The following CD82 variants were observed in gnomAD, a reference collection of about 807,000 sequenced individuals.
The protein encoded by CD82 is CD82 antigen.
CD82 carries 36 observed loss-of-function variants against 37.4 expected under a neutral mutation model. That is an observed-to-expected ratio of 0.96 (90% CI 0.74 to 1.27). The LOEUF (loss-of-function observed/expected upper bound fraction) is 1.27, where lower values mean the gene tolerates loss of function less well. Among genes scored for constraint, CD82 ranks in the 50% most tolerant of loss-of-function variants. The probability of loss-of-function intolerance (pLI) is 0.00; values close to 1 mark genes in which losing one functional copy is unlikely to be tolerated. For synonymous variants in CD82, 158 were observed against 137.4 expected (o/e 1.15, Z -1.05); for missense variants, 340 against 347.0 (o/e 0.98, Z 0.16).
intron 2 of CD82, among the ~76,000 whole-genome samples, chr11:44,591,194 C>G (rs890317843): frequency 1.3e-5 from 2 of 152,180 alleles, no homozygotes; most frequent in Non-Finnish European, 2.9e-5. Context: ...TGGACCCACC[C>G]AGCTGCCTCC....
chr11:44,590,204 T>G (rs1365742414), intron 2 of CD82, among the ~76,000 whole-genome samples: 1 of 119,198 alleles, frequency 8.4e-6, no homozygotes, highest in Non-Finnish European at 1.7e-5. Context: ...AGCAGGCTTT[T>G]TCTGTAAAGG....
upstream of CD82, among the ~76,000 whole-genome samples, chr11:44,565,390 C>T (rs1333972573): frequency 2.0e-5 from 3 of 151,752 alleles, no homozygotes; most frequent in Non-Finnish European, 4.4e-5. Flanking sequence ...CGGGCTTAAT[C>T]CCCAGTGTAA....
At chr11:44,615,905 GAGAT>G (rs1479053671) in intron 7 of CD82, among the ~76,000 whole-genome samples, 2 of 152,206 alleles carry the variant, frequency 1.3e-5, no homozygotes, top group African/African-American at 4.8e-5. Flanking sequence ...TAAAGTGAGA[GAGAT>G]GGATGGATGG....
chr11:44,573,772 T>C lies in CD82; in HGVS notation c.-103+8036T>C, dbSNP rs890452807. Among the ~76,000 whole-genome samples the C allele has an allele frequency of 7.9e-5, 12 of 152,332 alleles. No individual in the cohort carries two copies. The East Asian group carries it at 1.7e-3, about 22-fold the overall frequency. On this transcript the variant is annotated intron_variant, in intron 1 of 9. Transcript: ENST00000227155. ...GAAACACTGGGGCTGTGCCTACAGC[T>C]TGGGGTTCTAGCTTCTCAGGCATTG...
At chr11:44,593,039 A>G (rs1853168153) in intron 2 of CD82, among the ~76,000 whole-genome samples, 2 of 152,196 alleles carry the variant, frequency 1.3e-5, no homozygotes, top group South Asian at 4.1e-4. Flanking sequence ...CTGTTAGAGG[A>G]AAGAAAACTG....
At chr11:44,569,960 A>G (rs576529601) in intron 1 of CD82, among the ~76,000 whole-genome samples, 2 of 152,334 alleles carry the variant, frequency 1.3e-5, no homozygotes, top group East Asian at 1.9e-4. Context: ...TGTTATACCT[A>G]GCACATAGTA....
chr11:44,614,985 G>A (rs1853539671), intron 6 of CD82, among the ~76,000 whole-genome samples: 1 of 152,186 alleles, frequency 6.6e-6, no homozygotes, highest in South Asian at 2.1e-4. Context: ...CAATGACGGT[G>A]GGAACTGCCC....
intron 1 of CD82, among the ~76,000 whole-genome samples, chr11:44,572,285 G>A (rs1282503952): frequency 6.6e-6 from 1 of 152,180 alleles, no homozygotes; most frequent in Non-Finnish European, 1.5e-5. Flanking sequence ...TACCCGTTAC[G>A]AAATACAATT....
In CD82 at chr11:44,587,481, C is replaced by T. The variant is rs1036899585; in HGVS notation, c.-96C>T. On this transcript the variant is annotated 5_prime_UTR_variant, in exon 2 of 10. Transcript: ENST00000227155. Reference sequence around the variant, plus strand: ...TCTGGGTCGTGTTTTTCAGAGTCCTCCCTGCTGCTGTGTGGACGACACGTG... The same window carrying T: ...TCTGGGTCGTGTTTTTCAGAGTCCTTCCTGCTGCTGTGTGGACGACACGTG... 2 of 456,208 alleles carry T rather than the reference C, an allele frequency of 4.4e-6. No individual in the cohort carries two copies. The highest frequency in any genetic ancestry group is 8.8e-6 in the Non-Finnish European group (2 of 226,978). The allele number at this position is 456,208 out of a possible 1,614,324, so 28.3% of individuals were successfully genotyped here.
chr11:44,580,002 C>T (rs1472086978), intron 1 of CD82, among the ~76,000 whole-genome samples: 2 of 152,116 alleles, frequency 1.3e-5, no homozygotes, highest in Non-Finnish European at 2.9e-5. Flanking sequence ...GGGATGGCTC[C>T]AGGGAGCCAC....
At chr11:44,565,294 CCCGGGAGGAGA>C (rs1205079400), upstream of CD82, among the ~76,000 whole-genome samples, 1 of 152,042 alleles carries the variant, frequency 6.6e-6, no homozygotes, top group African/African-American at 2.4e-5. Flanking sequence ...GCTGGGAGGG[CCCGGGAGGAGA>C]CCGGGAGGAC....
intron 5 of CD82, 79 bp downstream of exon 5, chr11:44,605,261 T>A (rs1853375868): frequency 2.5e-6 from 4 of 1,608,344 alleles, no homozygotes; most frequent in Non-Finnish European, 3.4e-6. Flanking sequence ...GCGCTGGCCG[T>A]AACATCGGGT....
At chr11:44,591,044 C>A (rs546478065) in intron 2 of CD82, among the ~76,000 whole-genome samples, 165 of 152,362 alleles carry the variant, frequency 1.1e-3, no homozygotes, top group African/African-American at 4.0e-3. Flanking sequence ...AAGACTTTGT[C>A]TTCTGGATCT....
Position 44,619,400 on chromosome 11 carries a change from G to A in CD82, c.*274G>A, listed in dbSNP as rs554375084. The A allele has an allele frequency of 6.5e-5, 32 of 493,140 alleles. No homozygotes were observed. The highest frequency in any genetic ancestry group is 2.1e-4 in the South Asian group (9 of 42,590). The allele number at this position is 493,140 out of a possible 1,614,324, so 30.5% of individuals were successfully genotyped here. On this transcript the variant is annotated 3_prime_UTR_variant, in exon 10 of 10. Transcript: ENST00000227155. ...AAATGCTCCCCACAGCGTCCCTGGC[G>A]CAGGTGGGCTGGACTTCTACCTGCC... is the stretch of plus-strand genomic sequence containing the variant.
At chr11:44,612,613 C>T (rs1475541746) in intron 6 of CD82, among the ~76,000 whole-genome samples, 4 of 137,900 alleles carry the variant, frequency 2.9e-5, no homozygotes, top group Admixed American at 7.4e-5. Context: ...AGGCTGGTTT[C>T]CCAGCATTAA....
chr11:44,592,273 T>C (rs1260591086), intron 2 of CD82, among the ~76,000 whole-genome samples: 1 of 152,208 alleles, frequency 6.6e-6, no homozygotes, highest in Non-Finnish European at 1.5e-5. Flanking sequence ...AAGAACTCTT[T>C]CCACACTTCT....
At chr11:44,574,653 G>A (rs999162773) in intron 1 of CD82, among the ~76,000 whole-genome samples, 1 of 152,200 alleles carries the variant, frequency 6.6e-6, no homozygotes, top group Non-Finnish European at 1.5e-5. Flanking sequence ...GAACAGACCT[G>A]CAGGAGGAAA....
intron 2 of CD82, chr11:44,587,863 C>T (rs549380826): frequency 9.9e-6 from 3 of 302,884 alleles, no homozygotes; most frequent in Non-Finnish European, 2.0e-5. Context: ...GACTCAGGGG[C>T]AGTGGAACTC....
chr11:44,605,209 C>G (rs966285293), intron 5 of CD82, 27 bp downstream of exon 5: 1 of 1,609,558 alleles, frequency 6.2e-7, no homozygotes. Flanking sequence ...CCGCAGCTGC[C>G]TGCCCATTTC....
Sources: allele counts gnomAD v4.1 joint callset (sites outside exome capture counted in the v4.1 genomes callset), GRCh38; gene constraint gnomAD v4.1.1; transcripts MANE v1.5; gene names NCBI Gene and HGNC (gene_info 2026-07-23, HGNC 2026-07-21).